The following TSPAN9 variants were observed in gnomAD, a reference collection of about 807,000 sequenced individuals.
The protein encoded by TSPAN9 is tetraspanin-9.
A neutral mutation model predicts 31.0 loss-of-function variants in TSPAN9; 16 were observed. That is an observed-to-expected ratio of 0.52 (90% CI 0.35 to 0.78). The LOEUF (loss-of-function observed/expected upper bound fraction) is 0.78. TSPAN9 is among the 30% of genes least tolerant of loss of function. TSPAN9 has a pLI of 0.01. For synonymous variants in TSPAN9, 145 were observed against 121.6 expected, an observed-to-expected ratio of 1.19 and a Z score of -1.27; for missense variants, 272 against 312.5, an observed-to-expected ratio of 0.87 and a Z score of 0.98.
chr12:3,228,787 A>G (rs1370279960), intron 3 of TSPAN9, among the ~76,000 whole-genome samples: 3 of 152,250 alleles, frequency 2.0e-5, no homozygotes, highest in Non-Finnish European at 2.9e-5. Context: ...TGAAAACAAC[A>G]GAAGTCTATT....
chr12:3,143,935 C>G lies in TSPAN9; in HGVS notation c.-17-57242C>G. Among the ~76,000 whole-genome samples, 1 of 152,140 alleles carries G rather than the reference C, an allele frequency of 6.6e-6. No homozygotes were observed. Among genetic ancestry groups the G allele is most frequent in the East Asian group, 1.9e-4 (1 of 5,196 alleles). On this transcript the variant is annotated intron_variant, in intron 2 of 8. Transcript: ENST00000011898. The surrounding 1 kb of genome is among the most constrained non-coding windows in gnomAD (Gnocchi z 4.2). ...ATCTAGGTGCTAGGTGCGTTCATTG[C>G]TACTGGGGTGTCATTGCTTCTAGGT... is the stretch of plus-strand genomic sequence containing the variant.
At chr12:3,210,133 C>CAA (rs61255920) in intron 3 of TSPAN9, among the ~76,000 whole-genome samples, 72 of 141,198 alleles carry the variant, frequency 5.1e-4, no homozygotes, top group East Asian at 2.7e-3. Context: ...GACTCCGTCT[C>CAA]AAAAAAAAAA....
chr12:3,137,084 C>T (rs1478896712), intron 2 of TSPAN9, among the ~76,000 whole-genome samples: 1 of 152,230 alleles, frequency 6.6e-6, no homozygotes, highest in Non-Finnish European at 1.5e-5. Flanking sequence ...GGCCGGGACC[C>T]TCTTTCCAAT....
intron 2 of TSPAN9, among the ~76,000 whole-genome samples, chr12:3,145,891 A>G (rs181419061): frequency 3.3e-5 from 5 of 152,342 alleles, no homozygotes; most frequent in Admixed American, 1.3e-4. Context: ...GGTGGGTTTC[A>G]TTAGCATGGG....
rs113279312 is a variant in TSPAN9, at chr12:3,184,535, G to A, written c.-17-16642G>A. On this transcript the variant is annotated intron_variant, in intron 2 of 8. Coordinates refer to ENST00000011898, the MANE Select transcript of TSPAN9 (RefSeq NM_006675.5). ...GTGAATCTATTTCTTTAAGGTGTGG[G>A]TGCTGGTTTGGTCTTGAGAGAGACA... Among the ~76,000 whole-genome samples, 385 of 152,286 alleles carry A rather than the reference G, an allele frequency of 2.5e-3. 2 individuals carry two copies. The highest frequency in any genetic ancestry group is 8.9e-3 in the African/African-American group (371 of 41,554).
At chr12:3,252,845 C>T (rs1034258242) in intron 3 of TSPAN9, among the ~76,000 whole-genome samples, 4 of 152,170 alleles carry the variant, frequency 2.6e-5, no homozygotes, top group African/African-American at 9.7e-5. Context: ...CACTTTCTCC[C>T]TTGAGGGCCG....
chr12:3,245,233 C>T (rs1862098733), intron 3 of TSPAN9, among the ~76,000 whole-genome samples: 1 of 152,206 alleles, frequency 6.6e-6, no homozygotes, highest in Non-Finnish European at 1.5e-5. Context: ...ACGTTTCTTG[C>T]ACCTGCCAGC....
At chr12:3,232,078 T>C (rs2153976181) in intron 3 of TSPAN9, among the ~76,000 whole-genome samples, 1 of 152,352 alleles carries the variant, frequency 6.6e-6, no homozygotes, top group East Asian at 1.9e-4. Context: ...ACTGCAGTCC[T>C]GGATTTTTCT....
intron 2 of TSPAN9, among the ~76,000 whole-genome samples, chr12:3,190,130 A>G (rs2153971979): frequency 6.6e-6 from 1 of 152,296 alleles, no homozygotes; most frequent in Admixed American, 6.5e-5. Context: ...CCAGCCCCGT[A>G]GAGGGAGAGT....
At position 3,135,732 on chromosome 12, in the gene TSPAN9, C is replaced by G. The variant is rs544321543; in HGVS notation, c.-18+52013C>G. 3.3e-5 allele frequency among the ~76,000 whole-genome samples: 5 copies of G among 152,280 alleles called. No individual in the cohort carries two copies. In the East Asian group the frequency reaches 5.8e-4, roughly 18 times the overall value. ...GGTCTGGGTGGATCAGCCATCGCCCCTTGATGGCATGGGGACTCAAATTCC... is the reference window on the plus strand; with the variant it reads ...GGTCTGGGTGGATCAGCCATCGCCCGTTGATGGCATGGGGACTCAAATTCC... On this transcript the variant is annotated intron_variant, in intron 2 of 8. Coordinates refer to ENST00000011898, the MANE Select transcript of TSPAN9 (RefSeq NM_006675.5).
At chr12:3,114,306 AT>A (rs1210152110) in intron 2 of TSPAN9, among the ~76,000 whole-genome samples, 1 of 152,040 alleles carries the variant, frequency 6.6e-6, no homozygotes, top group South Asian at 2.1e-4. Flanking sequence ...TCTGCTTTTG[AT>A]TTTTTTTCAA....
At chr12:3,209,719 G>T (rs183268924) in intron 3 of TSPAN9, among the ~76,000 whole-genome samples, 2 of 152,242 alleles carry the variant, frequency 1.3e-5, no homozygotes, top group East Asian at 3.9e-4. Context: ...CAGCACTTTG[G>T]GAGGCCGAGG....
rs1160926111 is a variant in TSPAN9, at chr12:3,284,728, T to A, written c.*1612T>A. 1 of 152,188 alleles carries A rather than the reference T, an allele frequency of 6.6e-6. No individual in the cohort carries two copies. The highest frequency in any genetic ancestry group is 1.5e-5 in the Non-Finnish European group (1 of 68,048). 9.4% of individuals were successfully genotyped at this position (152,188 alleles called of 1,614,324 possible). ...ATCCGTGGGACTGAGCACGGGGACC[T>A]CACCCGCTAGCCAGCGTCTGCTGCA... On this transcript the variant is annotated 3_prime_UTR_variant, in exon 9 of 9. Coordinates refer to ENST00000011898, the MANE Select transcript of TSPAN9 (RefSeq NM_006675.5).
At chr12:3,156,838 ATGG>A (rs2098342517) in intron 2 of TSPAN9, among the ~76,000 whole-genome samples, 1 of 152,000 alleles carries the variant, frequency 6.6e-6, no homozygotes, top group Non-Finnish European at 1.5e-5. Flanking sequence ...CTGGAGATGA[ATGG>A]GAGGGTTAGC....
intron 3 of TSPAN9, among the ~76,000 whole-genome samples, chr12:3,235,570 T>C (rs2098393347): frequency 6.6e-6 from 1 of 152,264 alleles, no homozygotes; most frequent in African/African-American, 2.4e-5. Context: ...CACCAGGGGC[T>C]ACATGGATCA....
chr12:3,165,294 G>A (rs2098347695), intron 2 of TSPAN9, among the ~76,000 whole-genome samples: 1 of 152,184 alleles, frequency 6.6e-6, no homozygotes, highest in South Asian at 2.1e-4. Flanking sequence ...GAATCCCACT[G>A]CTCATCCTCT....
intron 3 of TSPAN9, among the ~76,000 whole-genome samples, chr12:3,202,543 C>T (rs2098372551): frequency 6.6e-6 from 1 of 152,162 alleles, no homozygotes; most frequent in African/African-American, 2.4e-5. Flanking sequence ...TTGGGCAAAT[C>T]ACTTGGTCCC....
At chr12:3,182,043 C>T (rs1176390624) in intron 2 of TSPAN9, among the ~76,000 whole-genome samples, 3 of 151,874 alleles carry the variant, frequency 2.0e-5, no homozygotes, top group Non-Finnish European at 4.4e-5. Context: ...TTGGAGGGCC[C>T]GTGTGTGATG....
intron 2 of TSPAN9, among the ~76,000 whole-genome samples, chr12:3,093,908 G>A (rs370406919): frequency 6.6e-6 from 1 of 152,284 alleles, no homozygotes; most frequent in Non-Finnish European, 1.5e-5. Flanking sequence ...TGTCATGCAC[G>A]CTGAAGTGCA....
Sources: allele counts gnomAD v4.1 joint callset (sites outside exome capture counted in the v4.1 genomes callset), GRCh38; gene constraint gnomAD v4.1.1; non-coding constraint Gnocchi (gnomAD v3.1); transcripts MANE v1.5; gene names NCBI Gene and HGNC (gene_info 2026-07-23, HGNC 2026-07-21).